The following EFCAB6 variants were observed in gnomAD, a reference collection of about 807,000 sequenced individuals.
EFCAB6 encodes the protein EF-hand calcium binding domain 6.
Under a neutral mutation model 169.8 loss-of-function variants are expected in EFCAB6, and 156 were observed. The observed-to-expected ratio is 0.92, with a 90% confidence interval of 0.81 to 1.05. The LOEUF is 1.05. Ranked by LOEUF, EFCAB6 falls within the 50% of genes least tolerant of loss-of-function variation. EFCAB6 has a pLI of 0.00. For synonymous variants in EFCAB6, 698 were observed against 676.4 expected (o/e 1.03, Z -0.50); for missense variants, 1,800 against 1,829.1 (o/e 0.98, Z 0.29).
At chr22:43,642,530 G>T (rs1291323569) in intron 17 of EFCAB6, among the ~76,000 whole-genome samples, 1 of 152,074 alleles carries the variant, frequency 6.6e-6, no homozygotes, top group Non-Finnish European at 1.5e-5. Flanking sequence ...GCGTCATCCA[G>T]AATGCAGGCA....
chr22:43,726,782 C>T (rs1474674184), intron 8 of EFCAB6, among the ~76,000 whole-genome samples: 1 of 152,206 alleles, frequency 6.6e-6, no homozygotes. Context: ...CACCAAGCTG[C>T]CCCTCTAGGG....
At chr22:43,570,659 G>A (rs1314469118) in intron 26 of EFCAB6, among the ~76,000 whole-genome samples, 1 of 150,606 alleles carries the variant, frequency 6.6e-6, no homozygotes, top group East Asian at 2.0e-4. Context: ...CCACTGGGTA[G>A]CATTTTTGCT....
intron 2 of EFCAB6, among the ~76,000 whole-genome samples, chr22:43,806,406 C>T (rs945926825): frequency 6.6e-6 from 1 of 151,940 alleles, no homozygotes; most frequent in Non-Finnish European, 1.5e-5. Flanking sequence ...AGGTGCATGC[C>T]ACCACACCTG....
intron 6 of EFCAB6, among the ~76,000 whole-genome samples, chr22:43,751,129 G>T (rs1319608104): frequency 6.6e-6 from 1 of 152,202 alleles, no homozygotes; most frequent in Non-Finnish European, 1.5e-5. Context: ...AGAATGCTTT[G>T]TTTTTCTTTA....
chr22:43,764,578 A>AATG (rs1222815347), intron 5 of EFCAB6, among the ~76,000 whole-genome samples: 2 of 152,188 alleles, frequency 1.3e-5, no homozygotes, highest in Admixed American at 1.3e-4. Flanking sequence ...TGCTGGGTCC[A>AATG]ATGATAGTTC....
intron 23 of EFCAB6, among the ~76,000 whole-genome samples, chr22:43,594,338 A>C (rs1186179796): frequency 6.6e-6 from 1 of 151,912 alleles, no homozygotes; most frequent in African/African-American, 2.4e-5. Flanking sequence ...TTGAAGGTAG[A>C]CAAAAAGTTG....
chr22:43,610,493 A>G (rs2147649675), intron 21 of EFCAB6, among the ~76,000 whole-genome samples: 1 of 152,366 alleles, frequency 6.6e-6, no homozygotes, highest in South Asian at 2.1e-4. Flanking sequence ...CATATCCACT[A>G]GAGTGGAAAA....
At chr22:43,697,104 G>A (rs1399275448) in intron 10 of EFCAB6, among the ~76,000 whole-genome samples, 3 of 152,154 alleles carry the variant, frequency 2.0e-5, no homozygotes, top group South Asian at 4.1e-4. Flanking sequence ...CTGTGCTTTC[G>A]CCTACCAAAT....
At chr22:43,625,798 C>G (rs2054471675) in intron 20 of EFCAB6, among the ~76,000 whole-genome samples, 1 of 152,226 alleles carries the variant, frequency 6.6e-6, no homozygotes, top group East Asian at 1.9e-4. Context: ...CCTAGCTTAA[C>G]ATTTGGAGGT....
chr22:43,784,675 A>ATATGTG (rs2062008572), intron 2 of EFCAB6, among the ~76,000 whole-genome samples: 1 of 43,068 alleles, frequency 2.3e-5, no homozygotes, highest in African/African-American at 8.6e-5. Context: ...ATATACATAT[A>ATATGTG]TACACACACA....
intron 17 of EFCAB6, among the ~76,000 whole-genome samples, chr22:43,648,441 G>C (rs1323426004): frequency 6.6e-6 from 1 of 152,228 alleles, no homozygotes; most frequent in Non-Finnish European, 1.5e-5. Context: ...ATTATCCTAA[G>C]AGAATTTATA....
chr22:43,574,664 A>G (rs1452352672), intron 26 of EFCAB6, among the ~76,000 whole-genome samples: 1 of 151,896 alleles, frequency 6.6e-6, no homozygotes, highest in African/African-American at 2.4e-5. Context: ...AAAAACCATA[A>G]TCATAAAAAT....
chr22:43,582,159 T>C (rs1315860201), intron 24 of EFCAB6, among the ~76,000 whole-genome samples: 1 of 152,250 alleles, frequency 6.6e-6, no homozygotes, highest in Non-Finnish European at 1.5e-5. Context: ...CTAACTATGT[T>C]TTAACAAGAA....
chr22:43,744,528 G>A lies in EFCAB6; in HGVS notation c.508-8535C>T, dbSNP rs1396650489. ...ATGGGTTAAGAGGACACCATGACAG[G>A]TAGAAATCTTGAGCTGTCCTGTTCC... is the stretch of plus-strand genomic sequence containing the variant. On this transcript the variant is annotated intron_variant, in intron 6 of 31. Coordinates refer to ENST00000262726, the MANE Select transcript of EFCAB6 (RefSeq NM_022785.4). The surrounding 1 kb of genome is among the most constrained non-coding windows in gnomAD (Gnocchi z 4.3). Among the ~76,000 whole-genome samples, 1 of 152,146 alleles carries A rather than the reference G, an allele frequency of 6.6e-6. No homozygotes were observed. Among genetic ancestry groups the A allele is most frequent in the Non-Finnish European group, 1.5e-5 (1 of 68,030 alleles).
At chr22:43,603,902 G>T (rs1179240614) in intron 22 of EFCAB6, among the ~76,000 whole-genome samples, 1 of 152,226 alleles carries the variant, frequency 6.6e-6, no homozygotes, top group Non-Finnish European at 1.5e-5. Context: ...TGGAGATGGG[G>T]CCTAGTGGGA....
chr22:43,672,386 T>TAGGATTCCAGTCCA, intron 13 of EFCAB6, 81 bp from the exon 14 acceptor site: 1 of 1,459,578 alleles, frequency 6.9e-7, no homozygotes, highest in Non-Finnish European at 9.5e-7. Flanking sequence ...GGACCTGGAC[T>TAGGATTCCAGTCCA]GGAATCCTAG....
chr22:43,538,536 C>T (rs1318320973), intron 28 of EFCAB6, among the ~76,000 whole-genome samples: 2 of 152,072 alleles, frequency 1.3e-5, no homozygotes, highest in Non-Finnish European at 2.9e-5. Context: ...CTACAGGCGC[C>T]CACCACCATG....
chr22:43,784,544 TATATGTATATATACAC>T (rs1471003312), intron 2 of EFCAB6, among the ~76,000 whole-genome samples: 12 of 108,252 alleles, frequency 1.1e-4, no homozygotes, highest in African/African-American at 1.9e-4. Context: ...TGTGTGTGTG[TATATGTATATATACAC>T]ATATATATGT....
Position 43,554,881 on chromosome 22 carries a change from C to G in EFCAB6, c.3636G>C (p.Leu1212=), listed in dbSNP as rs1361615272. 2.8e-5 allele frequency: 46 copies of G among 1,614,088 alleles called. No homozygotes were observed. Among genetic ancestry groups the G allele is most frequent in the Non-Finnish European group, 3.8e-5 (45 of 1,180,048 alleles). Residue 1212 remains leucine, a synonymous_variant, in exon 27 of 32, where the codon CTG becomes CTC. Transcript: ENST00000262726. ...RAICNRRVQI[L]TDEQFDRLWN... ...TGGCGTTTCTTACCTGTTCGTCCGTCAGGATTTGGACGCGGCGATTACAAA... is the reference window on the plus strand; with the variant it reads ...TGGCGTTTCTTACCTGTTCGTCCGTGAGGATTTGGACGCGGCGATTACAAA...
Sources: allele counts gnomAD v4.1 joint callset (sites outside exome capture counted in the v4.1 genomes callset), GRCh38; gene constraint gnomAD v4.1.1; non-coding constraint Gnocchi (gnomAD v3.1); transcripts MANE v1.5; gene names NCBI Gene and HGNC (gene_info 2026-07-23, HGNC 2026-07-21).